Variants in SDCCAG8 observed in about 807,000 individuals in gnomAD.
SDCCAG8 encodes the protein serologically defined colon cancer antigen 8.
In SDCCAG8, 74 loss-of-function variants were observed where a neutral mutation model predicts 101.8. That is an observed-to-expected ratio of 0.73 (90% confidence interval 0.60 to 0.88). SDCCAG8 has a LOEUF of 0.88. Ranked by LOEUF, SDCCAG8 falls within the 40% of genes least tolerant of loss-of-function variation. The pLI is 0.00. For missense variants in SDCCAG8, 787 were observed against 822.6 expected (o/e 0.96, Z 0.53); for synonymous variants, 281 against 292.9 (o/e 0.96, Z 0.41).
rs147217432 is a variant in SDCCAG8, at chr1:243,465,534, T to A, written c.1986-23480T>A. 1.7e-3 allele frequency among the ~76,000 whole-genome samples: 257 copies of A among 152,352 alleles called. 2 individuals carry two copies. The highest frequency in any genetic ancestry group is 5.8e-3 in the African/African-American group (242 of 41,584). ...ACTTAGTACTCATTCAGTTATCCCA[T>A]GCAAAGGATTTATTCACCTCATCCT... On this transcript the variant is annotated intron_variant, in intron 16 of 17. Transcript: ENST00000366541.
chr1:243,268,842 T>C (rs1172486565), intron 1 of SDCCAG8, among the ~76,000 whole-genome samples: 1 of 152,188 alleles, frequency 6.6e-6, no homozygotes, highest in Non-Finnish European at 1.5e-5. Context: ...GTCTCTTTCG[T>C]GCCATTGCAG....
chr1:243,390,503 G>A (rs974288251), intron 13 of SDCCAG8, among the ~76,000 whole-genome samples: 5 of 152,210 alleles, frequency 3.3e-5, no homozygotes, highest in African/African-American at 9.6e-5. Context: ...AGTGTGGCCC[G>A]GGGCGGGAGA....
At chr1:243,308,199 C>T (rs200991111) in intron 8 of SDCCAG8, 22 bp downstream of exon 8, 53 of 1,613,400 alleles carry the variant, frequency 3.3e-5, no homozygotes, top group Non-Finnish European at 3.6e-5. Context: ...TCTACGCGCA[C>T]GGAGACTTTG....
chr1:243,311,047 A>C (rs2072670733), intron 8 of SDCCAG8, among the ~76,000 whole-genome samples: 1 of 145,804 alleles, frequency 6.9e-6, no homozygotes, highest in Non-Finnish European at 1.5e-5. Context: ...TTCATATTCA[A>C]ATTGTGCACT....
At chr1:243,407,954 C>A (rs1238716471) in intron 13 of SDCCAG8, among the ~76,000 whole-genome samples, 1 of 152,146 alleles carries the variant, frequency 6.6e-6, no homozygotes, top group East Asian at 1.9e-4. Flanking sequence ...GGAATACAGC[C>A]CCTGTTAGCT....
intron 4 of SDCCAG8, among the ~76,000 whole-genome samples, chr1:243,282,348 C>A (rs76922470): frequency 6.6e-6 from 1 of 152,094 alleles, no homozygotes; most frequent in African/African-American, 2.4e-5. Context: ...TTCCCAAGCC[C>A]TCTCTCATCC....
chr1:243,412,553 A>G (rs2080257345), intron 13 of SDCCAG8, among the ~76,000 whole-genome samples: 1 of 152,116 alleles, frequency 6.6e-6, no homozygotes, highest in Non-Finnish European at 1.5e-5. Flanking sequence ...TTCTTAAAAC[A>G]TTATGAGATT....
intron 9 of SDCCAG8, among the ~76,000 whole-genome samples, chr1:243,320,633 G>A (rs1414921254): frequency 1.3e-5 from 2 of 152,132 alleles, no homozygotes; most frequent in Non-Finnish European, 2.9e-5. Context: ...GACCTTGGAC[G>A]AGTTACTTTA....
intron 16 of SDCCAG8, among the ~76,000 whole-genome samples, chr1:243,445,259 C>T (rs2082823612): frequency 3.9e-5 from 6 of 152,126 alleles, no homozygotes; most frequent in Admixed American, 1.3e-4. Flanking sequence ...CACCTCTTGT[C>T]GTCTACTCCC....
At chr1:243,434,731 G>A (rs1399357104) in intron 16 of SDCCAG8, among the ~76,000 whole-genome samples, 1 of 152,328 alleles carries the variant, frequency 6.6e-6, no homozygotes. Flanking sequence ...TGGAAGTCAC[G>A]TTTGTTTATA....
chr1:243,301,334 A>G (rs995230451), intron 6 of SDCCAG8, among the ~76,000 whole-genome samples: 3 of 152,062 alleles, frequency 2.0e-5, no homozygotes, highest in Non-Finnish European at 2.9e-5. Flanking sequence ...ATTGCATATC[A>G]CAGTAAAAAG....
chr1:243,348,202 AT>A (rs74162279), intron 12 of SDCCAG8, among the ~76,000 whole-genome samples: 1,396 of 131,626 alleles, frequency 0.011, 16 homozygotes, highest in African/African-American at 0.037. Context: ...CGCCCGGCTA[AT>A]TTTTTTTTTT....
intron 8 of SDCCAG8, among the ~76,000 whole-genome samples, chr1:243,312,905 T>C (rs569467931): frequency 4.3e-4 from 66 of 152,296 alleles, no homozygotes; most frequent in Admixed American, 1.4e-3. Flanking sequence ...TTCCGACCTT[T>C]CGCCTTTCAC....
At chr1:243,377,477 T>C (rs1201499547) in intron 12 of SDCCAG8, among the ~76,000 whole-genome samples, 1 of 152,072 alleles carries the variant, frequency 6.6e-6, no homozygotes, top group African/African-American at 2.4e-5. Context: ...ATGAAAATGA[T>C]ACAATTATTT....
chr1:243,482,941 G>A (rs939953457), intron 16 of SDCCAG8, among the ~76,000 whole-genome samples: 4 of 152,210 alleles, frequency 2.6e-5, no homozygotes, highest in Non-Finnish European at 4.4e-5. Context: ...TTCGCAGGCT[G>A]TGGGGGGCTT....
At chr1:243,457,686 G>C (rs1658088895) in intron 16 of SDCCAG8, among the ~76,000 whole-genome samples, 1 of 152,166 alleles carries the variant, frequency 6.6e-6, no homozygotes, top group South Asian at 2.1e-4. Context: ...TGAAGCTTTT[G>C]TCCTTAACAC....
intron 12 of SDCCAG8, among the ~76,000 whole-genome samples, chr1:243,348,075 G>A (rs912213781): frequency 8.4e-6 from 1 of 119,102 alleles, no homozygotes; most frequent in Admixed American, 1.1e-4. Flanking sequence ...TCCCTCTGTC[G>A]CCCAGGCTGG....
At chr1:243,302,347 G>GA (rs35702682) in intron 6 of SDCCAG8, among the ~76,000 whole-genome samples, 2 of 152,074 alleles carry the variant, frequency 1.3e-5, no homozygotes, top group African/African-American at 4.8e-5. Flanking sequence ...TACTCTGGGG[G>GA]AAAAAATGTC....
At chr1:243,380,139 T>C (rs1312123280) in intron 13 of SDCCAG8, among the ~76,000 whole-genome samples, 4 of 152,178 alleles carry the variant, frequency 2.6e-5, no homozygotes, top group Admixed American at 2.0e-4. Flanking sequence ...ACATGTCTGG[T>C]ATCTAGAAAA....
Sources: gnomAD v4.1 joint callset for allele counts (sites outside exome capture counted in the v4.1 genomes callset) on GRCh38, gnomAD v4.1.1 for gene constraint, MANE v1.5 for transcripts, NCBI Gene and HGNC (gene_info 2026-07-23, HGNC 2026-07-21) for gene names.